Variants in INPP4B observed in about 807,000 individuals in gnomAD.
INPP4B encodes the protein inositol polyphosphate 4-phosphatase type II.
In INPP4B, 55 loss-of-function variants were observed where a neutral mutation model predicts 122.5. The observed-to-expected ratio is 0.45, with a 90% CI of 0.36 to 0.56. INPP4B has a LOEUF of 0.56. Among genes scored for constraint, INPP4B ranks in the 20% least tolerant of loss-of-function variants. The pLI is 0.00. For missense variants in INPP4B, 1,000 were observed against 1,097.7 expected, an observed-to-expected ratio of 0.91 and a Z score of 1.26; for synonymous variants, 403 against 388.7, an observed-to-expected ratio of 1.04 and a Z score of -0.43.
intron 2 of INPP4B, among the ~76,000 whole-genome samples, chr4:142,547,716 G>A (rs936374514): frequency 6.6e-6 from 1 of 152,068 alleles, no homozygotes; most frequent in African/African-American, 2.4e-5. Context: ...TACATTTCCT[G>A]AAAGGAAAAT....
At chr4:142,030,357 G>GT in intron 25 of INPP4B, 1 of 1,446,522 alleles carries the variant, frequency 6.9e-7, no homozygotes, top group Non-Finnish European at 9.3e-7. Flanking sequence ...AGTTCACACA[G>GT]TAAAAAAAAT....
intron 25 of INPP4B, among the ~76,000 whole-genome samples, chr4:142,037,003 A>C (rs1447253386): frequency 6.6e-6 from 1 of 152,170 alleles, no homozygotes; most frequent in Non-Finnish European, 1.5e-5. Flanking sequence ...TCACTAGGAG[A>C]TTATGACAAA....
intron 2 of INPP4B, among the ~76,000 whole-genome samples, chr4:142,475,641 G>C (rs1056480601): frequency 2.0e-5 from 3 of 152,112 alleles, no homozygotes; most frequent in African/African-American, 7.2e-5. Flanking sequence ...GCCATTTTAA[G>C]AAAGAACCAA....
intron 23 of INPP4B, among the ~76,000 whole-genome samples, chr4:142,102,992 G>C (rs1225697959): frequency 1.3e-5 from 2 of 152,104 alleles, no homozygotes; most frequent in Admixed American, 6.6e-5. Context: ...TGTATCCACT[G>C]TTAAGTTTCC....
At chr4:142,306,739 G>A (rs1039357356) in intron 8 of INPP4B, among the ~76,000 whole-genome samples, 9 of 152,132 alleles carry the variant, frequency 5.9e-5, no homozygotes, top group Non-Finnish European at 7.4e-5. Flanking sequence ...GGTGGCTCAC[G>A]CCTGTCATGC....
chr4:142,322,812 T>C (rs1770595786), intron 7 of INPP4B, among the ~76,000 whole-genome samples: 2 of 152,184 alleles, frequency 1.3e-5, no homozygotes, highest in South Asian at 4.1e-4. Flanking sequence ...GGTTTTGTGT[T>C]TGTTTTAAAT....
Position 142,187,396 on chromosome 4 carries a change from C to T in INPP4B, c.1181+5691G>A, listed in dbSNP as rs561982529. 8.4e-4 allele frequency among the ~76,000 whole-genome samples: 128 copies of T among 152,008 alleles called. 1 individual carries two copies. In the South Asian group the frequency reaches 9.2e-3, roughly 11 times the overall value. ...GGAGATAAATTTTAGCTATAGCCTA[C>T]GAGACTGACATTTTTAAATTTGGAG... On this transcript the variant is annotated intron_variant, in intron 15 of 25. Coordinates refer to ENST00000262992, the MANE Select transcript of INPP4B (RefSeq NM_001101669.3).
intron 22 of INPP4B, among the ~76,000 whole-genome samples, chr4:142,112,227 G>T (rs928995042): frequency 2.6e-5 from 4 of 152,244 alleles, no homozygotes; most frequent in African/African-American, 9.6e-5. Flanking sequence ...ATTGAGATAT[G>T]TATAAACATG....
At chr4:142,507,942 C>T (rs1824223852) in intron 2 of INPP4B, among the ~76,000 whole-genome samples, 2 of 152,156 alleles carry the variant, frequency 1.3e-5, no homozygotes, top group South Asian at 4.1e-4. Context: ...TTCAGCTAGA[C>T]TAAATTTCAG....
chr4:142,557,213 G>A (rs1369418251), intron 2 of INPP4B, among the ~76,000 whole-genome samples: 2 of 152,026 alleles, frequency 1.3e-5, no homozygotes, highest in South Asian at 2.1e-4. Flanking sequence ...GGAAATTCGG[G>A]GAAACAGTTG....
intron 10 of INPP4B, among the ~76,000 whole-genome samples, chr4:142,263,513 T>C (rs1165564366): frequency 2.0e-5 from 3 of 151,282 alleles, no homozygotes; most frequent in Admixed American, 2.0e-4. Flanking sequence ...ATTTATTCAT[T>C]TATTTCTGAC....
chr4:142,528,972 G>A (rs1827265035), intron 2 of INPP4B, among the ~76,000 whole-genome samples: 1 of 152,060 alleles, frequency 6.6e-6, no homozygotes, highest in Non-Finnish European at 1.5e-5. Context: ...TGGAAAACCT[G>A]TAACTGGCAG....
At chr4:142,557,289 C>T (rs977187901) in intron 2 of INPP4B, among the ~76,000 whole-genome samples, 1 of 152,274 alleles carries the variant, frequency 6.6e-6, no homozygotes, top group African/African-American at 2.4e-5. Context: ...TTAAGAGCAA[C>T]ATGAATAAGA....
At chr4:142,611,722 G>A (rs899128121) in intron 2 of INPP4B, among the ~76,000 whole-genome samples, 1 of 141,958 alleles carries the variant, frequency 7.0e-6, no homozygotes, top group Non-Finnish European at 1.5e-5. Flanking sequence ...AGGCTGGAGT[G>A]TGGTGGTGTG....
chr4:142,487,238 A>T (rs1044024431), intron 2 of INPP4B, among the ~76,000 whole-genome samples: 6 of 152,094 alleles, frequency 3.9e-5, no homozygotes, highest in African/African-American at 1.4e-4. Context: ...AGCCATATGG[A>T]ACTGTAAGTC....
At chr4:142,280,595 C>A (rs906790719) in intron 9 of INPP4B, among the ~76,000 whole-genome samples, 11 of 151,784 alleles carry the variant, frequency 7.2e-5, no homozygotes, top group African/African-American at 2.4e-4. Flanking sequence ...ACTGTGGATA[C>A]GGACTCTGTT....
At chr4:142,266,164 A>T (rs979338143) in intron 10 of INPP4B, among the ~76,000 whole-genome samples, 2 of 152,172 alleles carry the variant, frequency 1.3e-5, no homozygotes, top group African/African-American at 2.4e-5. Context: ...GCAAGTGTTC[A>T]TGTGATAGTG....
chr4:142,169,401 A>G (rs1824430844), intron 16 of INPP4B, among the ~76,000 whole-genome samples: 1 of 151,626 alleles, frequency 6.6e-6, no homozygotes, highest in Non-Finnish European at 1.5e-5. Flanking sequence ...TAGACCCAGG[A>G]GTGGTTACAG....
At chr4:142,668,960 C>CA (rs1448470896) in intron 2 of INPP4B, among the ~76,000 whole-genome samples, 1 of 151,864 alleles carries the variant, frequency 6.6e-6, no homozygotes, top group Non-Finnish European at 1.5e-5. Context: ...GAGGCTGAGG[C>CA]AGGAGAATGA....
Sources: allele counts gnomAD v4.1 joint callset (sites outside exome capture counted in the v4.1 genomes callset), GRCh38; gene constraint gnomAD v4.1.1; transcripts MANE v1.5; gene names NCBI Gene and HGNC (gene_info 2026-07-23, HGNC 2026-07-21).